The following CSTPP1 variants were observed in gnomAD, a reference collection of about 807,000 sequenced individuals.
CSTPP1 encodes centriolar satellite-associated tubulin polyglutamylase complex regulator 1.
the CSTPP1 span, among the ~76,000 whole-genome samples, chr11:47,038,436 C>T: frequency 2.0e-5 from 2 of 97,696 alleles, no homozygotes; most frequent in Non-Finnish European, 5.1e-5. Flanking sequence ...CCGGATGGGG[C>T]GGCTGGCCGG....
chr11:47,068,496 C>T, the CSTPP1 span, among the ~76,000 whole-genome samples: 1 of 152,064 alleles, frequency 6.6e-6, no homozygotes, highest in Admixed American at 6.5e-5. Flanking sequence ...CATGCCACTG[C>T]ACTCCAATAT....
the CSTPP1 span, among the ~76,000 whole-genome samples, chr11:47,027,638 T>A: frequency 6.6e-6 from 1 of 152,234 alleles, no homozygotes; most frequent in Non-Finnish European, 1.5e-5. Flanking sequence ...CACCAATGTT[T>A]AAGTCCTTAG....
chr11:47,066,103 T>TG, the CSTPP1 span, among the ~76,000 whole-genome samples: 10 of 135,682 alleles, frequency 7.4e-5, no homozygotes, highest in African/African-American at 2.7e-4. Context: ...GTTTTTTTTT[T>TG]TTTTTTTTTT....
chr11:47,029,986 G>T, the CSTPP1 span, among the ~76,000 whole-genome samples: 1 of 151,862 alleles, frequency 6.6e-6, no homozygotes, highest in African/African-American at 2.4e-5. Flanking sequence ...AATTAGCCGG[G>T]CATGGTGGTG....
chr11:46,996,720 C>T, the CSTPP1 span, among the ~76,000 whole-genome samples: 4 of 152,076 alleles, frequency 2.6e-5, no homozygotes, highest in Admixed American at 6.6e-5. Flanking sequence ...TTCCTTTCCA[C>T]GTTTAGTGCT....
the CSTPP1 span, chr11:47,052,424 T>C: frequency 1.9e-6 from 3 of 1,613,988 alleles, no homozygotes; most frequent in East Asian, 6.7e-5. Flanking sequence ...ACATTCTCTT[T>C]CGAGAATTCA....
chr11:46,952,658 T>C, the CSTPP1 span, among the ~76,000 whole-genome samples: 2 of 152,300 alleles, frequency 1.3e-5, no homozygotes, highest in East Asian at 3.9e-4. Context: ...TGTCTCTGAG[T>C]TCAGTTGCTC....
the CSTPP1 span, among the ~76,000 whole-genome samples, chr11:46,967,521 G>A: frequency 3.9e-5 from 6 of 152,134 alleles, no homozygotes; most frequent in South Asian, 1.2e-3. Context: ...CTTTTTCAAA[G>A]TTGTTTTCGC....
At chr11:47,128,544 G>A in the CSTPP1 span, among the ~76,000 whole-genome samples, 2 of 152,098 alleles carry the variant, frequency 1.3e-5, no homozygotes, top group African/African-American at 4.8e-5. Context: ...ACCATGCACA[G>A]CTAATTTTTT....
the CSTPP1 span, among the ~76,000 whole-genome samples, chr11:46,980,450 C>T: frequency 6.6e-6 from 1 of 152,236 alleles, no homozygotes; most frequent in East Asian, 1.9e-4. Flanking sequence ...AATAAAAGGT[C>T]ATTCCTTAAT....
chr11:46,957,546 G>C, the CSTPP1 span, among the ~76,000 whole-genome samples: 1 of 152,096 alleles, frequency 6.6e-6, no homozygotes, highest in Non-Finnish European at 1.5e-5. Flanking sequence ...TTAGCTTTCT[G>C]TATTGCTATT....
the CSTPP1 span, among the ~76,000 whole-genome samples, chr11:46,981,370 C>T: frequency 6.6e-6 from 1 of 151,826 alleles, no homozygotes; most frequent in Non-Finnish European, 1.5e-5. Context: ...AAATATGTAC[C>T]CCAAACTGAT....
the CSTPP1 span, chr11:47,161,240 C>T: frequency 1.9e-6 from 3 of 1,613,698 alleles, no homozygotes; most frequent in Non-Finnish European, 1.7e-6. Flanking sequence ...CCAGACGGGT[C>T]GGACACGGCT....
chr11:46,957,670 T>C, the CSTPP1 span, among the ~76,000 whole-genome samples: 14 of 152,216 alleles, frequency 9.2e-5, no homozygotes, highest in Non-Finnish European at 1.8e-4. Context: ...ATATCAGTTC[T>C]GAGAAGTTTT....
chr11:47,124,598 T>G, the CSTPP1 span, among the ~76,000 whole-genome samples: 1 of 152,240 alleles, frequency 6.6e-6, no homozygotes, highest in African/African-American at 2.4e-5. Context: ...GTATTTTACT[T>G]AGTCTAATCA....
At chr11:47,075,895 C>T in the CSTPP1 span, among the ~76,000 whole-genome samples, 1 of 132,362 alleles carries the variant, frequency 7.6e-6, no homozygotes, top group Non-Finnish European at 1.5e-5. Context: ...CACTGTACTC[C>T]AGGCCTGGGT....
the CSTPP1 span, among the ~76,000 whole-genome samples, chr11:46,976,691 T>C: frequency 6.6e-6 from 1 of 152,192 alleles, no homozygotes; most frequent in South Asian, 2.1e-4. Context: ...TTTTTAAGTT[T>C]CTGTATTTAC....
chr11:47,086,016 A>C, the CSTPP1 span, among the ~76,000 whole-genome samples: 1 of 152,090 alleles, frequency 6.6e-6, no homozygotes, highest in Admixed American at 6.6e-5. Context: ...ATTAGAGTCA[A>C]GGAACTAATA....
chr11:46,958,132 A>G, the CSTPP1 span, among the ~76,000 whole-genome samples: 1 of 152,004 alleles, frequency 6.6e-6, no homozygotes, highest in Non-Finnish European at 1.5e-5. Context: ...TAGTAAATAT[A>G]TTTTCTCCTT....
Sources: allele counts gnomAD v4.1 joint callset (sites outside exome capture counted in the v4.1 genomes callset), GRCh38; gene constraint gnomAD v4.1.1; transcripts MANE v1.5; gene names NCBI Gene and HGNC (gene_info 2026-07-23, HGNC 2026-07-21).